RABGAP1L: variants seen among roughly 807,000 people sequenced by gnomAD.
RABGAP1L encodes the protein rab GTPase-activating protein 1-like.
Under a neutral mutation model 137.7 loss-of-function variants are expected in RABGAP1L, and 63 were observed. The ratio of observed to expected loss-of-function variants is 0.46; its 90% CI spans 0.37 to 0.56. The LOEUF (loss-of-function observed/expected upper bound fraction) is 0.56. Ranked by LOEUF, RABGAP1L falls within the 20% of genes least tolerant of loss-of-function variation. RABGAP1L has a pLI of 0.00. For synonymous variants in RABGAP1L, 431 were observed against 433.7 expected (o/e 0.99, Z 0.08); for missense variants, 1,095 against 1,244.0 (o/e 0.88, Z 1.80).
intron 17 of RABGAP1L, 151 bp downstream of exon 17, chr1:174,702,407 A>G: frequency 1.6e-6 from 1 of 610,310 alleles, no homozygotes; most frequent in Non-Finnish European, 2.6e-6. Context: ...AGTAAAAACT[A>G]TTTTAATTGT....
chr1:174,758,311 C>T (rs1199791201), intron 18 of RABGAP1L, among the ~76,000 whole-genome samples: 1 of 151,910 alleles, frequency 6.6e-6, no homozygotes, highest in Admixed American at 6.6e-5. Context: ...TAGCCATTAG[C>T]TTGGAGTTCT....
chr1:174,963,525 T>C (rs1574024731), intron 20 of RABGAP1L, among the ~76,000 whole-genome samples: 1 of 152,078 alleles, frequency 6.6e-6, no homozygotes, highest in Non-Finnish European at 1.5e-5. Context: ...CAAGAAACTT[T>C]CATTAATTTT....
chr1:174,552,760 C>T (rs1186738633), intron 13 of RABGAP1L, among the ~76,000 whole-genome samples: 1 of 152,150 alleles, frequency 6.6e-6, no homozygotes, highest in South Asian at 2.1e-4. Context: ...TTTGCTGAGT[C>T]AAATGGTATT....
intron 16 of RABGAP1L, among the ~76,000 whole-genome samples, chr1:174,700,212 A>G (rs1258669550): frequency 6.6e-6 from 1 of 152,242 alleles, no homozygotes; most frequent in African/African-American, 2.4e-5. Context: ...AATATTACAC[A>G]GTAAAAAAGA....
intron 13 of RABGAP1L, among the ~76,000 whole-genome samples, chr1:174,437,010 T>C (rs1653426475): frequency 6.6e-6 from 1 of 152,386 alleles, no homozygotes; most frequent in Admixed American, 6.5e-5. Flanking sequence ...CTGAGGGTCC[T>C]GACTGTTAGA....
At chr1:174,577,208 A>AT (rs1432547286) in intron 13 of RABGAP1L, among the ~76,000 whole-genome samples, 12 of 81,110 alleles carry the variant, frequency 1.5e-4, no homozygotes, top group African/African-American at 5.0e-4. Flanking sequence ...AGGGGGAAAA[A>AT]ATACACACAC....
At chr1:174,364,086 T>G (rs954509612) in intron 11 of RABGAP1L, among the ~76,000 whole-genome samples, 1 of 151,816 alleles carries the variant, frequency 6.6e-6, no homozygotes, top group Non-Finnish European at 1.5e-5. Context: ...CTTCCTCTGT[T>G]TTTCAGAATA....
intron 18 of RABGAP1L, among the ~76,000 whole-genome samples, chr1:174,767,871 G>A (rs1442119338): frequency 2.0e-5 from 3 of 152,178 alleles, no homozygotes; most frequent in Non-Finnish European, 4.4e-5. Context: ...GCCTGAAGGT[G>A]AAAGGCACAT....
Position 174,504,099 on chromosome 1 carries a change from A to C in RABGAP1L, c.1710+109954A>C, listed in dbSNP as rs181731011. ...GCCATCCTCTCAACTTAGCCTCCTG[A>C]GTAGCTGGGACTACAGGTATCAGCC... On this transcript the variant is annotated intron_variant, in intron 13 of 25. Transcript: ENST00000681986. 2.4e-3 allele frequency among the ~76,000 whole-genome samples: 362 copies of C among 151,870 alleles called. 4 individuals carry two copies. Among genetic ancestry groups the C allele is most frequent in the Non-Finnish European group, 6.2e-4 (42 of 67,966 alleles).
chr1:174,692,111 GT>G (rs2148500279), intron 15 of RABGAP1L, among the ~76,000 whole-genome samples: 1 of 152,228 alleles, frequency 6.6e-6, no homozygotes, highest in East Asian at 1.9e-4. Flanking sequence ...CTACATTTTT[GT>G]TGGCAGTTAC....
Position 174,632,056 on chromosome 1 carries a change from G to A in RABGAP1L, c.1711-5319G>A, listed in dbSNP as rs1197909836. ...CCGGTTGTTCCTTTCCATGTTTAGC[G>A]CTTCCTTCAGGAGCTCTTTTAGGGC... is the stretch of plus-strand genomic sequence containing the variant. On this transcript the variant is annotated intron_variant, in intron 13 of 25. Coordinates refer to ENST00000681986, the MANE Select transcript of RABGAP1L (RefSeq NM_001366446.1). 4.6e-3 allele frequency among the ~76,000 whole-genome samples: 565 copies of A among 122,150 alleles called. 2 individuals carry two copies. Among genetic ancestry groups the A allele is most frequent in the Admixed American group, 8.0e-3 (94 of 11,812 alleles). 80.1% of individuals were successfully genotyped at this position (122,150 alleles called of 152,430 possible).
chr1:174,711,580 C>T (rs1200627750), intron 17 of RABGAP1L, among the ~76,000 whole-genome samples: 1 of 152,162 alleles, frequency 6.6e-6, no homozygotes, highest in Non-Finnish European at 1.5e-5. Flanking sequence ...CCCAGCACTG[C>T]TGGCCCACCC....
At chr1:174,349,110 ACC>A (rs1323657569) in intron 11 of RABGAP1L, among the ~76,000 whole-genome samples, 1 of 47,712 alleles carries the variant, frequency 2.1e-5, no homozygotes, top group Non-Finnish European at 3.5e-5. Flanking sequence ...GGGGGCTGAC[ACC>A]CCCACCTCCC....
At chr1:174,239,232 G>C (rs997286410) in intron 4 of RABGAP1L, among the ~76,000 whole-genome samples, 6 of 152,184 alleles carry the variant, frequency 3.9e-5, no homozygotes, top group Non-Finnish European at 8.8e-5. Flanking sequence ...CGTCTTCTGC[G>C]TCGCTCACGC....
chr1:174,796,903 G>A (rs1688281435), intron 18 of RABGAP1L, among the ~76,000 whole-genome samples: 2 of 151,872 alleles, frequency 1.3e-5, no homozygotes, highest in Admixed American at 1.3e-4. Flanking sequence ...GCTACTCGTG[G>A]GGCTGAGGCA....
Position 174,413,469 on chromosome 1 carries a change from C to G in RABGAP1L, c.1710+19324C>G, listed in dbSNP as rs1463633102. 2.6e-5 allele frequency among the ~76,000 whole-genome samples: 4 copies of G among 152,068 alleles called. No individual in the cohort carries two copies. In the East Asian group the frequency reaches 7.7e-4, roughly 29 times the overall value. ...TATGAGTTTCCATTTTAGTTGGGGA[C>G]CATTGCTTGACAGCTCTAAGGCCAT... is the stretch of plus-strand genomic sequence containing the variant. On this transcript the variant is annotated intron_variant, in intron 13 of 25. Transcript: ENST00000681986.
chr1:174,573,930 T>G (rs1003063042), intron 13 of RABGAP1L, among the ~76,000 whole-genome samples: 13 of 152,362 alleles, frequency 8.5e-5, no homozygotes, highest in African/African-American at 3.1e-4. Context: ...TTTAATTGCC[T>G]ATGCAAAATA....
intron 7 of RABGAP1L, among the ~76,000 whole-genome samples, chr1:174,266,107 A>G (rs1009948528): frequency 1.5e-4 from 23 of 152,194 alleles, no homozygotes; most frequent in Admixed American, 1.4e-3. Context: ...ATAAATAGCT[A>G]TAGAGTACCC....
At chr1:174,550,917 C>CACACACACACATAT (rs1374389910) in intron 13 of RABGAP1L, among the ~76,000 whole-genome samples, 12 of 96,450 alleles carry the variant, frequency 1.2e-4, no homozygotes, top group Admixed American at 2.1e-4. Context: ...TATACACACA[C>CACACACACACATAT]ACACATATAT....
Sources: gnomAD v4.1 joint callset for allele counts (sites outside exome capture counted in the v4.1 genomes callset) on GRCh38, gnomAD v4.1.1 for gene constraint, MANE v1.5 for transcripts, NCBI Gene and HGNC (gene_info 2026-07-23, HGNC 2026-07-21) for gene names.